Variants in ARHGAP24 observed in about 807,000 individuals in gnomAD.
ARHGAP24 encodes Rho GTPase activating protein 24.
Under a neutral mutation model 76.4 loss-of-function variants are expected in ARHGAP24, and 50 were observed. The observed-to-expected ratio is 0.65, with a 90% CI of 0.52 to 0.83. The LOEUF (loss-of-function observed/expected upper bound fraction) is 0.83, where lower values mean the gene tolerates loss of function less well. Ranked by LOEUF, ARHGAP24 falls within the 40% of genes least tolerant of loss-of-function variation. The pLI, the probability that ARHGAP24 is intolerant of heterozygous loss-of-function variation, is 0.00. For synonymous variants in ARHGAP24, 345 were observed against 323.3 expected, an observed-to-expected ratio of 1.07 and a Z score of -0.72; for missense variants, 930 against 914.2, an observed-to-expected ratio of 1.02 and a Z score of -0.22.
intron 1 of ARHGAP24, among the ~76,000 whole-genome samples, chr4:85,554,526 G>C (rs1423943983): frequency 6.6e-6 from 1 of 152,024 alleles, no homozygotes; most frequent in Non-Finnish European, 1.5e-5. Flanking sequence ...AGTTAGTTTA[G>C]AGAACCAGTC....
chr4:85,549,317 G>T (rs1726037450), intron 1 of ARHGAP24, among the ~76,000 whole-genome samples: 1 of 150,256 alleles, frequency 6.7e-6, no homozygotes, highest in Non-Finnish European at 1.5e-5. Context: ...TCAACATTTG[G>T]TATTGTCAGT....
intron 1 of ARHGAP24, among the ~76,000 whole-genome samples, chr4:85,569,254 A>G (rs1324120565): frequency 6.6e-6 from 1 of 152,230 alleles, no homozygotes; most frequent in East Asian, 1.9e-4. Flanking sequence ...ATCAGATAAT[A>G]TATGCCTGGA....
intron 9 of ARHGAP24, among the ~76,000 whole-genome samples, chr4:85,996,485 G>A (rs1470265287): frequency 6.6e-6 from 1 of 152,160 alleles, no homozygotes; most frequent in East Asian, 1.9e-4. Flanking sequence ...CCTCCATGGT[G>A]TGCTAGGATC....
At chr4:85,978,443 C>G (rs6838333) in intron 8 of ARHGAP24, among the ~76,000 whole-genome samples, 3 of 151,848 alleles carry the variant, frequency 2.0e-5, no homozygotes, top group Admixed American at 2.0e-4. Context: ...TTAGATCTTA[C>G]GTGTGAGAAA....
intron 2 of ARHGAP24, among the ~76,000 whole-genome samples, chr4:85,576,546 C>T (rs564634757): frequency 6.6e-6 from 1 of 152,156 alleles, no homozygotes; most frequent in East Asian, 1.9e-4. Context: ...GCCAAAGCCT[C>T]GATGAAGTAT....
intron 2 of ARHGAP24, among the ~76,000 whole-genome samples, chr4:85,611,023 A>G (rs1720362910): frequency 6.6e-6 from 1 of 152,206 alleles, no homozygotes; most frequent in Admixed American, 6.5e-5. Context: ...AAATAGGAAA[A>G]CATGAATCCA....
chr4:85,730,624 G>A (rs1415331637), intron 3 of ARHGAP24, among the ~76,000 whole-genome samples: 1 of 152,066 alleles, frequency 6.6e-6, no homozygotes, highest in Non-Finnish European at 1.5e-5. Context: ...GCCCAGGCTG[G>A]TCTCAAATCC....
At chr4:85,597,218 G>C (rs1488499334) in intron 2 of ARHGAP24, among the ~76,000 whole-genome samples, 1 of 152,010 alleles carries the variant, frequency 6.6e-6, no homozygotes, top group African/African-American at 2.4e-5. Flanking sequence ...TGGTTTTATT[G>C]ATATGAATTG....
intron 2 of ARHGAP24, among the ~76,000 whole-genome samples, chr4:85,654,716 A>C (rs1722077459): frequency 7.8e-6 from 1 of 128,344 alleles, no homozygotes; most frequent in Non-Finnish European, 1.6e-5. Context: ...ACAGAACGGG[A>C]GTGGGATTGG....
chr4:85,636,746 A>G (rs1383794492), intron 2 of ARHGAP24, among the ~76,000 whole-genome samples: 3 of 152,076 alleles, frequency 2.0e-5, no homozygotes, highest in Non-Finnish European at 4.4e-5. Context: ...GAATTTCTCC[A>G]TGAAATCTCT....
At chr4:85,758,859 C>T (rs888377875) in intron 3 of ARHGAP24, among the ~76,000 whole-genome samples, 1 of 152,150 alleles carries the variant, frequency 6.6e-6, no homozygotes, top group Admixed American at 6.5e-5. Flanking sequence ...GCGTAAATCA[C>T]CCCAGGACCG....
chr4:85,591,284 G>A (rs1168336221), intron 2 of ARHGAP24, among the ~76,000 whole-genome samples: 1 of 152,036 alleles, frequency 6.6e-6, no homozygotes, highest in Non-Finnish European at 1.5e-5. Context: ...GACCTCAGGT[G>A]ATCCACACAA....
intron 2 of ARHGAP24, among the ~76,000 whole-genome samples, chr4:85,675,148 A>G (rs1722934343): frequency 6.6e-6 from 1 of 152,214 alleles, no homozygotes; most frequent in East Asian, 1.9e-4. Context: ...GTGAAAACCT[A>G]AAGGCTGCAT....
chr4:85,985,029 C>T (rs1578468303), intron 8 of ARHGAP24, among the ~76,000 whole-genome samples: 3 of 152,074 alleles, frequency 2.0e-5, no homozygotes, highest in South Asian at 2.1e-4. Context: ...ACCATGTTGG[C>T]CAGGCTGGTC....
intron 1 of ARHGAP24, among the ~76,000 whole-genome samples, chr4:85,540,570 T>C (rs1194131783): frequency 1.3e-5 from 2 of 152,232 alleles, no homozygotes; most frequent in Admixed American, 1.3e-4. Context: ...AGTTTATGTA[T>C]ACATTAAGTG....
intron 2 of ARHGAP24, among the ~76,000 whole-genome samples, chr4:85,712,490 TTAAAA>T (rs1349194365): frequency 2.0e-5 from 3 of 152,180 alleles, no homozygotes; most frequent in Admixed American, 2.0e-4. Flanking sequence ...ATTTGGTGGA[TTAAAA>T]CAAAAGACAT....
intron 3 of ARHGAP24, among the ~76,000 whole-genome samples, chr4:85,918,113 T>C (rs1001325461): frequency 6.6e-6 from 1 of 152,042 alleles, no homozygotes; most frequent in Non-Finnish European, 1.5e-5. Flanking sequence ...CTGGAAATTA[T>C]AGAAAAGTAC....
intron 2 of ARHGAP24, among the ~76,000 whole-genome samples, chr4:85,612,793 T>A (rs967781901): frequency 5.0e-4 from 6 of 12,034 alleles, no homozygotes; most frequent in Admixed American, 3.9e-3. Flanking sequence ...TTTCCATTCC[T>A]TTTTTTTTTT....
At chr4:85,660,414 A>G (rs1722332753) in intron 2 of ARHGAP24, among the ~76,000 whole-genome samples, 2 of 152,224 alleles carry the variant, frequency 1.3e-5, no homozygotes, top group Non-Finnish European at 2.9e-5. Flanking sequence ...ATTTATTCAC[A>G]GCTACTTGTT....
Sources: allele counts gnomAD v4.1 joint callset (sites outside exome capture counted in the v4.1 genomes callset), GRCh38; gene constraint gnomAD v4.1.1; transcripts MANE v1.5; gene names NCBI Gene and HGNC (gene_info 2026-07-23, HGNC 2026-07-21).